SF3A3: variants seen among roughly 807,000 people sequenced by gnomAD.
SF3A3 encodes SAP 61.
Under a neutral mutation model 85.8 loss-of-function variants are expected in SF3A3, and 9 were observed. The ratio of observed to expected loss-of-function variants is 0.10; its 90% confidence interval spans 0.06 to 0.18. The LOEUF is 0.18. Among genes scored for constraint, SF3A3 ranks in the 10% least tolerant of loss-of-function variants. The probability of loss-of-function intolerance (pLI) is 1.00; values close to 1 mark genes in which losing one functional copy is unlikely to be tolerated. For synonymous variants in SF3A3, 195 were observed against 204.4 expected (o/e 0.95, Z 0.39); for missense variants, 306 against 593.3 (o/e 0.52, Z 5.03).
At chr1:37,980,322 G>A (rs1225815145) in intron 8 of SF3A3, among the ~76,000 whole-genome samples, 1 of 152,006 alleles carries the variant, frequency 6.6e-6, no homozygotes, top group Non-Finnish European at 1.5e-5. Context: ...TACTCGGGAG[G>A]CTGAGGCAGG....
At chr1:37,980,886 C>T in intron 7 of SF3A3, 162 bp from the exon 8 acceptor site, 1 of 421,066 alleles carries the variant, frequency 2.4e-6, no homozygotes, top group Non-Finnish European at 3.6e-6. Flanking sequence ...TTTCGCTCCT[C>T]TTACCCAGGC....
At chr1:37,974,228 A>T (rs910344622) in intron 12 of SF3A3, among the ~76,000 whole-genome samples, 2 of 151,428 alleles carry the variant, frequency 1.3e-5, no homozygotes, top group African/African-American at 4.9e-5. Flanking sequence ...CTTAAAGTAT[A>T]AAAAAAAATT....
At chr1:37,966,447 C>G (rs138876978) in intron 15 of SF3A3, among the ~76,000 whole-genome samples, 32 of 152,166 alleles carry the variant, frequency 2.1e-4, no homozygotes, top group African/African-American at 7.7e-4. Flanking sequence ...GAGGGTACTT[C>G]TATATTTTCC....
intron 6 of SF3A3, among the ~76,000 whole-genome samples, chr1:37,982,333 T>C (rs1646425007): frequency 1.3e-5 from 2 of 152,184 alleles, no homozygotes; most frequent in South Asian, 2.1e-4. Flanking sequence ...TGTGATCCTT[T>C]TGAGATTGTC....
At chr1:37,979,345 G>T in intron 9 of SF3A3, 120 bp downstream of exon 9, 1 of 778,502 alleles carries the variant, frequency 1.3e-6, no homozygotes, top group Non-Finnish European at 2.1e-6. Flanking sequence ...CTTTGTAGAT[G>T]CTTGATCTCA....
Position 37,984,924 on chromosome 1 carries a change from C to T in SF3A3, c.304-145G>A, listed in dbSNP as rs961556980. ...CCGGGTTCAAGCGATTGTCCTGCCT[C>T]GGCCACCCGAGTAGCTGGGATTATA... is the stretch of plus-strand genomic sequence containing the variant. On this transcript the variant is annotated intron_variant, in intron 4 of 16. Coordinates refer to ENST00000373019, the MANE Select transcript of SF3A3 (RefSeq NM_006802.4). 1.7e-5 allele frequency: 11 copies of T among 637,546 alleles called. No homozygotes were observed. In the Admixed American group the frequency reaches 2.3e-4, roughly 14 times the overall value. The allele number at this position is 637,546 out of a possible 1,614,324, so 39.5% of individuals were successfully genotyped here. A position where few individuals can be genotyped will look rare whatever the true frequency, so the allele number is the denominator to read the frequency against.
At chr1:37,965,582 C>T (rs185554735) in intron 15 of SF3A3, among the ~76,000 whole-genome samples, 94 of 152,148 alleles carry the variant, frequency 6.2e-4, no homozygotes, top group African/African-American at 2.2e-3. Flanking sequence ...GGTGACACAC[C>T]ATCTTTACAA....
intron 12 of SF3A3, among the ~76,000 whole-genome samples, chr1:37,975,690 A>T (rs1646374619): frequency 6.6e-6 from 1 of 152,174 alleles, no homozygotes; most frequent in Non-Finnish European, 1.5e-5. Flanking sequence ...TTTTACTGAA[A>T]GCAGTCATAA....
At chr1:37,976,839 C>T (rs1646382548) in intron 12 of SF3A3, 45 bp downstream of exon 12, 1 of 1,208,330 alleles carries the variant, frequency 8.3e-7, no homozygotes, top group South Asian at 1.2e-5. Context: ...CCCTTTAACT[C>T]CTGTGCTTTA....
intron 15 of SF3A3, among the ~76,000 whole-genome samples, chr1:37,962,706 A>G (rs1646270413): frequency 1.3e-5 from 2 of 151,740 alleles, no homozygotes; most frequent in Middle Eastern, 6.8e-3. Flanking sequence ...GCTTTTGTAC[A>G]GTTAAAAAAA....
At position 37,978,972 on chromosome 1, in the gene SF3A3, A is replaced by G. The variant is rs1436984237; in HGVS notation, c.827+16T>C. On this transcript the variant is annotated intron_variant, in intron 10 of 16. Coordinates refer to ENST00000373019, the MANE Select transcript of SF3A3 (RefSeq NM_006802.4). ...CACAGTAAATCGATAGTTTTGATAGAAAAACTATTCCTTACCCGCCACATT... is the reference window on the plus strand; with the variant it reads ...CACAGTAAATCGATAGTTTTGATAGGAAAACTATTCCTTACCCGCCACATT... The G allele has an allele frequency of 1.2e-6, 2 of 1,608,376 alleles. No homozygotes were observed. The highest frequency in any genetic ancestry group is 1.7e-6 in the Non-Finnish European group (2 of 1,174,660).
chr1:37,987,851 C>A lies in SF3A3; in HGVS notation c.145-15G>T, dbSNP rs780240798. 7 of 1,607,078 alleles carry A rather than the reference C, an allele frequency of 4.4e-6. No homozygotes were observed. The African/African-American group carries it at 9.3e-5, about 21-fold the overall frequency. ...TCCATATACCTCTGAAAGGCAAATA[C>A]AAAACCATCAGAATGATGCAATTTG... On this transcript the variant is annotated splice_polypyrimidine_tract_variant and intron_variant, in intron 2 of 16. Coordinates refer to ENST00000373019, the MANE Select transcript of SF3A3 (RefSeq NM_006802.4).
chr1:37,979,587 G>T (rs1646402725), intron 8 of SF3A3, 54 bp from the exon 9 acceptor site: 2 of 1,366,522 alleles, frequency 1.5e-6, no homozygotes, highest in Non-Finnish European at 2.1e-6. Flanking sequence ...CAGGTGTGGT[G>T]GCTCACACCT....
intron 6 of SF3A3, 31 bp downstream of exon 6, chr1:37,984,138 C>A: frequency 7.8e-7 from 1 of 1,279,048 alleles, no homozygotes; most frequent in South Asian, 1.2e-5. Flanking sequence ...CTTCGAGAAT[C>A]AGAACCTCTC....
At chr1:37,978,893 G>T in intron 10 of SF3A3, 66 bp from the exon 11 acceptor site, 1 of 1,554,748 alleles carries the variant, frequency 6.4e-7, no homozygotes, top group Non-Finnish European at 8.9e-7. Flanking sequence ...TATTTTTGCA[G>T]TGTGGAGCAA....
At chr1:37,960,099 A>G (rs771263144) in intron 16 of SF3A3, 21 bp downstream of exon 16, 5 of 1,609,948 alleles carry the variant, frequency 3.1e-6, no homozygotes, top group Non-Finnish European at 3.4e-6. Context: ...TATCCCTAAC[A>G]CCATCCACAT....
At chr1:37,979,605 C>T in intron 8 of SF3A3, 72 bp from the exon 9 acceptor site, 2 of 1,219,278 alleles carry the variant, frequency 1.6e-6, no homozygotes, top group Non-Finnish European at 2.4e-6. Context: ...CCTGTAATCT[C>T]AGCATTTTGG....
chr1:37,985,289 G>C (rs1184614887), intron 4 of SF3A3, among the ~76,000 whole-genome samples: 2 of 152,158 alleles, frequency 1.3e-5, no homozygotes, highest in East Asian at 3.8e-4. Flanking sequence ...AGTAACACAT[G>C]CTCACAAAAA....
intron 7 of SF3A3, 124 bp from the exon 8 acceptor site, chr1:37,980,848 T>C (rs1347194795): frequency 1.4e-5 from 9 of 653,696 alleles, no homozygotes; most frequent in African/African-American, 2.1e-5. Context: ...ACTCTTTTTT[T>C]TTTTTTTTTT....
Sources: allele counts gnomAD v4.1 joint callset (sites outside exome capture counted in the v4.1 genomes callset), GRCh38; gene constraint gnomAD v4.1.1; transcripts MANE v1.5; gene names NCBI Gene and HGNC (gene_info 2026-07-23, HGNC 2026-07-21).